The following NHSL1 variants were observed in gnomAD, a reference collection of about 807,000 sequenced individuals.
NHSL1 encodes NHS like 1.
NHSL1 carries 48 observed loss-of-function variants against 95.0 expected under a neutral mutation model. The observed-to-expected ratio is 0.51, with a 90% CI of 0.40 to 0.64. NHSL1 has a LOEUF of 0.64. NHSL1 is among the 30% of genes least tolerant of loss of function. The pLI is 0.00. For synonymous variants in NHSL1, 783 were observed against 833.9 expected (o/e 0.94, Z 1.05); for missense variants, 1,971 against 2,077.7 (o/e 0.95, Z 1.00).
At chr6:138,663,314 A>C (rs528805666) in intron 1 of NHSL1, among the ~76,000 whole-genome samples, 2 of 152,004 alleles carry the variant, frequency 1.3e-5, no homozygotes, top group Admixed American at 1.3e-4. Context: ...TCATCCCAGC[A>C]CTTTGGGAGG....
At chr6:138,599,616 C>T (rs192755071) in intron 1 of NHSL1, among the ~76,000 whole-genome samples, 2 of 152,244 alleles carry the variant, frequency 1.3e-5, no homozygotes, top group African/African-American at 2.4e-5. Context: ...AAGTGTATAA[C>T]CCAGATACAC....
chr6:138,429,616 A>G, intron 7 of NHSL1, 95 bp downstream of exon 7: 1 of 1,167,614 alleles, frequency 8.6e-7, no homozygotes, highest in Non-Finnish European at 1.2e-6. Context: ...ATTGGGTGAC[A>G]GAAGAAACCT....
intron 1 of NHSL1, among the ~76,000 whole-genome samples, chr6:138,537,223 C>A (rs1782390809): frequency 6.6e-6 from 1 of 152,362 alleles, no homozygotes; most frequent in South Asian, 2.1e-4. Flanking sequence ...ATTGCTGTGG[C>A]AGCAAACACT....
chr6:138,428,086 T>C (rs575690016), intron 7 of NHSL1, among the ~76,000 whole-genome samples: 2 of 152,332 alleles, frequency 1.3e-5, no homozygotes, highest in South Asian at 4.1e-4. Context: ...GCCTTTGGCA[T>C]ATTTTTGGGA....
chr6:138,606,788 C>T (rs981126331), intron 1 of NHSL1, among the ~76,000 whole-genome samples: 3 of 150,396 alleles, frequency 2.0e-5, no homozygotes, highest in African/African-American at 4.9e-5. Flanking sequence ...CTGCAAGCTC[C>T]GCCTCCCAGG....
chr6:138,519,010 ACT>A lies in NHSL1; in HGVS notation c.17-22641_17-22640del, dbSNP rs1408232185. 2.0e-5 allele frequency among the ~76,000 whole-genome samples: 3 copies of A among 152,036 alleles called. No individual in the cohort carries two copies. In the East Asian group the frequency reaches 5.8e-4, roughly 29 times the overall value. On this transcript the variant is annotated intron_variant, in intron 1 of 4. Transcript: ENST00000342260. ...TCCAGCCTGGGTGACAGAGCAAGAC[ACT>A]GTCTCAAAAATAAATGAATAAATAA...
chr6:138,447,136 G>A lies in NHSL1; in HGVS notation c.397C>T (p.Pro133Ser). The change falls in exon 4 of 8, where the codon CCA becomes TCA. Residue 133 changes from proline (P) to serine (S), a missense_variant. By Grantham distance (74) the Pro-to-Ser change is moderately conservative. Around this residue, in one of 3 missense-constraint regions of NHSL1, gnomAD observed 1,602 missense variants for 1,654.5 expected, o/e 0.97. Coordinates refer to ENST00000343505, the MANE Select transcript of NHSL1 (RefSeq NM_001144060.2). ...AGGTCGGAGAAGTCACTTGAGGCTGGTGTTTTAGGTCTCCTGATGGAAATA... is the reference window on the plus strand; with the variant it reads ...AGGTCGGAGAAGTCACTTGAGGCTGATGTTTTAGGTCTCCTGATGGAAATA... ...RFISIRRPKT[P>S]ASSDFSDLNT... The A allele has an allele frequency of 6.4e-7, 1 of 1,551,784 alleles. No homozygotes were observed.
intron 3 of NHSL1, among the ~76,000 whole-genome samples, chr6:138,470,232 T>C (rs1778663435): frequency 6.6e-6 from 1 of 152,228 alleles, no homozygotes; most frequent in South Asian, 2.1e-4. Flanking sequence ...TAAATATCTC[T>C]AATGATATAT....
rs1276249368 is a variant in NHSL1 at position 138,626,877 on chromosome 6, G to A, written c.96+65599C>T. On this transcript the variant is annotated intron_variant, in intron 1 of 3. Coordinates refer to the NHSL1 transcript ENST00000491526. ...CCACTGCACTCCAGCCTGGGCGACAGAGCGAGACTCCGTCTCAAAAAAAAA... is the reference window on the plus strand; with the variant it reads ...CCACTGCACTCCAGCCTGGGCGACAAAGCGAGACTCCGTCTCAAAAAAAAA... Among the ~76,000 whole-genome samples, 34 of 49,424 alleles carry A rather than the reference G, an allele frequency of 6.9e-4. 7 individuals are homozygous for A. Among genetic ancestry groups the A allele is most frequent in the African/African-American group, 3.7e-3 (31 of 8,408 alleles). The allele number at this position is 49,424 out of a possible 152,430, so 32.4% of individuals were successfully genotyped here.
intron 2 of NHSL1, among the ~76,000 whole-genome samples, chr6:138,485,337 A>C (rs560284227): frequency 3.0e-4 from 46 of 152,256 alleles, no homozygotes; most frequent in African/African-American, 1.1e-3. Flanking sequence ...TACAGACACA[A>C]AAACAAAACA....
At position 138,430,830 on chromosome 6, in the gene NHSL1, G is replaced by A. The variant is rs887722117; in HGVS notation, c.3515C>T (p.Ala1172Val). 2 of 1,550,892 alleles carry A rather than the reference G, an allele frequency of 1.3e-6. No individual in the cohort carries two copies. The highest frequency in any genetic ancestry group is 2.4e-5 in the East Asian group (1 of 40,880). The change falls in exon 6 of 8, where the codon GCA (alanine) becomes GTA (valine). Residue 1172 changes from alanine (A) to valine (V), a missense_variant. Physicochemically the swap from Ala to Val is moderately conservative, Grantham distance 64. This residue lies in a region of NHSL1 where 1,602 missense variants were observed against 1,654.5 expected (regional missense o/e 0.97). Coordinates refer to ENST00000343505, the MANE Select transcript of NHSL1 (RefSeq NM_001144060.2). The surrounding 1 kb of genome is among the most constrained non-coding windows in gnomAD (Gnocchi z 4.7). ...RSPGAPSAGE[A>V]EARPSPSTTP... ...GGTGCTGGGGCTGGGCCGAGCCTCT[G>A]CCTCCCCAGCGCTTGGAGCTCCAGG...
At position 138,431,173 on chromosome 6, in the gene NHSL1, C is replaced by T. The variant is rs1775626547; in HGVS notation, c.3172G>A (p.Glu1058Lys). The T allele has an allele frequency of 6.5e-7, 1 of 1,549,900 alleles. No individual in the cohort carries two copies. Among genetic ancestry groups the T allele is most frequent in the Non-Finnish European group, 8.7e-7 (1 of 1,145,732 alleles). Residue 1058 changes from glutamate to lysine, a missense_variant, in exon 6 of 8, where the codon GAG becomes AAG. Around this residue, in one of 3 missense-constraint regions of NHSL1, gnomAD observed 1,602 missense variants for 1,654.5 expected, o/e 0.97. Coordinates refer to ENST00000343505, the MANE Select transcript of NHSL1 (RefSeq NM_001144060.2). The surrounding 1 kb of genome is among the most constrained non-coding windows in gnomAD (Gnocchi z 4.0). ...RGSLRPPSTKEETSRPPMPLI... is the reference protein window; with the variant it reads ...RGSLRPPSTKKETSRPPMPLI... ...GGCATGGGGGGCCTGCTGGTCTCCT[C>T]CTTGGTAGAAGGCGGCCTCAAGGAT...
intron 1 of NHSL1, among the ~76,000 whole-genome samples, chr6:138,653,620 T>C (rs1190304062): frequency 6.6e-6 from 1 of 152,146 alleles, no homozygotes; most frequent in Non-Finnish European, 1.5e-5. Context: ...GGCAACTTAT[T>C]TTGTGAAATG....
intron 1 of NHSL1, among the ~76,000 whole-genome samples, chr6:138,536,159 G>A (rs3923724): frequency 0.54 from 82,063 of 152,016 alleles, 23,640 homozygotes; most frequent in African/African-American, 0.74. Context: ...CATTTATTTT[G>A]GGGGCTCCAG....
At chr6:138,657,238 C>A (rs1044241256) in intron 1 of NHSL1, among the ~76,000 whole-genome samples, 1 of 152,226 alleles carries the variant, frequency 6.6e-6, no homozygotes, top group Non-Finnish European at 1.5e-5. Context: ...CAGGACCTGG[C>A]TCCTCCTATT....
At chr6:138,576,567 C>T (rs1783975774), upstream of NHSL1, among the ~76,000 whole-genome samples, 1 of 152,222 alleles carries the variant, frequency 6.6e-6, no homozygotes, top group Non-Finnish European at 1.5e-5. Context: ...CACTTTGCCA[C>T]TGCTGAGCTT....
chr6:138,645,633 G>A (rs777873461), intron 1 of NHSL1, among the ~76,000 whole-genome samples: 7 of 151,350 alleles, frequency 4.6e-5, no homozygotes, highest in African/African-American at 1.2e-4. Context: ...TCAGCCTTCC[G>A]AGTAGCTGGG....
At chr6:138,614,473 T>G (rs1433446495) in intron 1 of NHSL1, among the ~76,000 whole-genome samples, 2 of 152,208 alleles carry the variant, frequency 1.3e-5, no homozygotes, top group African/African-American at 4.8e-5. Flanking sequence ...GATCTGTTAC[T>G]TGCAGCTGCA....
At position 138,571,729 on chromosome 6, in the gene NHSL1, G is replaced by C; in HGVS notation, c.183C>G (p.Tyr61Ter). 6.4e-7 allele frequency: 1 copy of C among 1,552,178 alleles called. No homozygotes were observed. The highest frequency in any genetic ancestry group is 8.7e-7 in the Non-Finnish European group (1 of 1,147,100). Residue 61 changes from tyrosine (Y) to a stop codon, truncating the protein, a stop_gained, in exon 1 of 7, where the codon TAC becomes TAG. Transcript: ENST00000427025. LOFTEE classifies it high-confidence loss of function. ...AGTCACCTTTTCTGGGCTGGGCTCT[G>C]TATATCCAGTTTTCGTCATCCACTT...
Sources: gnomAD v4.1 joint callset for allele counts (sites outside exome capture counted in the v4.1 genomes callset) on GRCh38, gnomAD v4.1.1 for gene constraint, gnomAD v4.1.1 regional missense constraint, Gnocchi (gnomAD v3.1) non-coding constraint, MANE v1.5 for transcripts, NCBI Gene and HGNC (gene_info 2026-07-23, HGNC 2026-07-21) for gene names.